Variants in PLCXD3 observed in about 807,000 individuals in gnomAD.
The protein encoded by PLCXD3 is PI-PLC X domain-containing protein 3.
In PLCXD3, 19 loss-of-function variants were observed where a neutral mutation model predicts 25.5. That is an observed-to-expected ratio of 0.75 (90% confidence interval 0.52 to 1.09). PLCXD3 has a LOEUF of 1.09. PLCXD3 is among the 50% of genes least tolerant of loss of function. PLCXD3 has a pLI of 0.00. For missense variants in PLCXD3, 411 were observed against 388.1 expected (o/e 1.06, Z -0.50); for synonymous variants, 174 against 137.6 (o/e 1.26, Z -1.85).
Position 41,312,092 on chromosome 5 carries a change from G to C in PLCXD3, c.*1525C>G, listed in dbSNP as rs1743147376. The C allele has an allele frequency of 6.8e-6, 1 of 147,808 alleles. No homozygotes were observed. Among genetic ancestry groups the C allele is most frequent in the Non-Finnish European group, 1.5e-5 (1 of 66,346 alleles). The allele number at this position is 147,808 out of a possible 1,614,324, so 9.2% of individuals were successfully genotyped here. ...ATAGGCAAGGATTATTGTGCTCTAA[G>C]TTTTTTTTTTTTATTTTTTAGAGTT... On this transcript the variant is annotated 3_prime_UTR_variant, in exon 3 of 3. Coordinates refer to ENST00000377801, the MANE Select transcript of PLCXD3 (RefSeq NM_001005473.3).
chr5:41,321,365 C>T (rs186350830), intron 2 of PLCXD3, among the ~76,000 whole-genome samples: 6 of 152,126 alleles, frequency 3.9e-5, no homozygotes, highest in Admixed American at 3.3e-4. Context: ...AATTAAGTAC[C>T]TAGGAATAAA....
At chr5:41,503,201 G>T (rs1748990801) in intron 1 of PLCXD3, among the ~76,000 whole-genome samples, 1 of 152,154 alleles carries the variant, frequency 6.6e-6, no homozygotes, top group African/African-American at 2.4e-5. Context: ...AGCCATAGGG[G>T]AGTTCCAGGA....
At chr5:41,433,440 C>G (rs1470453392) in intron 1 of PLCXD3, among the ~76,000 whole-genome samples, 1 of 152,044 alleles carries the variant, frequency 6.6e-6, no homozygotes, top group African/African-American at 2.4e-5. Context: ...AAGCCATGAA[C>G]AGATGGATAT....
chr5:41,440,215 ATTTTTTTTTTTTTT>A lies in PLCXD3; in HGVS notation c.104-57695_104-57682del, dbSNP rs70988846. 1.1e-3 allele frequency among the ~76,000 whole-genome samples: 47 copies of A among 41,080 alleles called. No homozygotes were observed. The South Asian group carries it at 0.035, about 30-fold the overall frequency. 27.0% of individuals were successfully genotyped at this position (41,080 alleles called of 152,430 possible). A position where few individuals can be genotyped will look rare whatever the true frequency, so the allele number is the denominator to read the frequency against. ...TCTGAGCAAATTACATAATCTCTCAATTTTTTTTTTTTTTTTTTTTTTTTTTTTTTTTTTTTAGT... is the reference window on the plus strand; with the variant it reads ...TCTGAGCAAATTACATAATCTCTCAATTTTTTTTTTTTTTTTTTTTTTAGT... On this transcript the variant is annotated intron_variant, in intron 1 of 2. Transcript: ENST00000377801.
intron 1 of PLCXD3, among the ~76,000 whole-genome samples, chr5:41,386,001 T>C (rs1580341611): frequency 6.6e-6 from 1 of 152,126 alleles, no homozygotes. Flanking sequence ...TCCTGATTCA[T>C]AGACGTACAC....
At chr5:41,454,270 C>T (rs745399468) in intron 1 of PLCXD3, among the ~76,000 whole-genome samples, 1 of 151,946 alleles carries the variant, frequency 6.6e-6, no homozygotes, top group Non-Finnish European at 1.5e-5. Flanking sequence ...TTCATTCAGG[C>T]TACTATAACA....
In PLCXD3 at chr5:41,310,148, C is replaced by CA. The variant is rs2150465309; in HGVS notation, c.*3468dup. 1 of 152,208 alleles carries CA rather than the reference C, an allele frequency of 6.6e-6. No homozygotes were observed. Among genetic ancestry groups the CA allele is most frequent in the South Asian group, 2.1e-4 (1 of 4,824 alleles). The allele number at this position is 152,208 out of a possible 1,614,324, so 9.4% of individuals were successfully genotyped here. A position where few individuals can be genotyped will look rare whatever the true frequency, so the allele number is the denominator to read the frequency against. On this transcript the variant is annotated 3_prime_UTR_variant, in exon 3 of 3. Transcript: ENST00000377801. ...GGCTGAAAGTCAATATTGAGGTCAT[C>CA]ATATAGAATATCCTAAGGCTTTTAA... is the stretch of plus-strand genomic sequence containing the variant.
At chr5:41,358,030 C>T (rs1580322203) in intron 2 of PLCXD3, among the ~76,000 whole-genome samples, 1 of 152,190 alleles carries the variant, frequency 6.6e-6, no homozygotes, top group Non-Finnish European at 1.5e-5. Flanking sequence ...AGCAGAGCAC[C>T]ATTGAATATC....
intron 1 of PLCXD3, among the ~76,000 whole-genome samples, chr5:41,499,548 T>C (rs987141121): frequency 2.6e-5 from 4 of 151,788 alleles, no homozygotes; most frequent in Admixed American, 1.3e-4. Context: ...AGACTTAATA[T>C]TGCTCAAATG....
chr5:41,394,923 C>G (rs4438921), intron 1 of PLCXD3, among the ~76,000 whole-genome samples: 1 of 151,900 alleles, frequency 6.6e-6, no homozygotes, highest in Non-Finnish European at 1.5e-5. Context: ...ATCTTCCAGA[C>G]AGAAAATCAA....
chr5:41,357,168 A>G (rs1744643076), intron 2 of PLCXD3, among the ~76,000 whole-genome samples: 1 of 152,252 alleles, frequency 6.6e-6, no homozygotes, highest in Admixed American at 6.5e-5. Context: ...CTTTCTCAGA[A>G]CAGTGCCTTG....
intron 2 of PLCXD3, among the ~76,000 whole-genome samples, chr5:41,349,956 A>G (rs554655186): frequency 3.3e-5 from 5 of 151,282 alleles, no homozygotes; most frequent in African/African-American, 1.2e-4. Context: ...GCTTTGCAAC[A>G]TTTTGTTGCA....
intron 1 of PLCXD3, among the ~76,000 whole-genome samples, chr5:41,392,608 T>C (rs1008206712): frequency 7.9e-5 from 12 of 152,114 alleles, no homozygotes; most frequent in Non-Finnish European, 1.5e-5. Flanking sequence ...TAAGCCCAGA[T>C]AGTGAAGACT....
rs75138111 is a variant in PLCXD3 at position 41,402,127 on chromosome 5, C to A, written c.104-19593G>T. Among the ~76,000 whole-genome samples the A allele has an allele frequency of 4.6e-3, 694 of 151,590 alleles. 7 individuals are homozygous for A. The highest frequency in any genetic ancestry group is 0.016 in the African/African-American group (657 of 41,464). ...TATATAATTTTCTTATTTCAAATTG[C>A]TTTTGGTTTAATTTGTTCCTTTTTT... On this transcript the variant is annotated intron_variant, in intron 1 of 2. Coordinates refer to ENST00000377801, the MANE Select transcript of PLCXD3 (RefSeq NM_001005473.3).
At chr5:41,500,441 A>G (rs7710332) in intron 1 of PLCXD3, among the ~76,000 whole-genome samples, 1,719 of 152,002 alleles carry the variant, frequency 0.011, 29 homozygotes, top group African/African-American at 0.039. Context: ...GGGGATAAAA[A>G]GGGAGAGATA....
chr5:41,439,210 A>G (rs1421296167), intron 1 of PLCXD3, among the ~76,000 whole-genome samples: 1 of 152,176 alleles, frequency 6.6e-6, no homozygotes, highest in African/African-American at 2.4e-5. Flanking sequence ...TCCATAAAAA[A>G]ATAGAAGGTT....
intron 1 of PLCXD3, among the ~76,000 whole-genome samples, chr5:41,423,981 A>C (rs1451940031): frequency 6.6e-6 from 1 of 151,942 alleles, no homozygotes; most frequent in Non-Finnish European, 1.5e-5. Flanking sequence ...CTTAAGACCA[A>C]CTCTTCAAGC....
intron 1 of PLCXD3, among the ~76,000 whole-genome samples, chr5:41,412,428 T>A (rs990175044): frequency 1.3e-5 from 2 of 152,228 alleles, no homozygotes; most frequent in African/African-American, 4.8e-5. Context: ...AATTCAGTAG[T>A]CTCATTTATT....
At chr5:41,342,277 G>A (rs1015457020) in intron 2 of PLCXD3, among the ~76,000 whole-genome samples, 1 of 152,170 alleles carries the variant, frequency 6.6e-6, no homozygotes, top group Non-Finnish European at 1.5e-5. Context: ...CAGGCACTGT[G>A]TTAGGCAACA....
Sources: allele counts gnomAD v4.1 joint callset (sites outside exome capture counted in the v4.1 genomes callset), GRCh38; gene constraint gnomAD v4.1.1; transcripts MANE v1.5; gene names NCBI Gene and HGNC (gene_info 2026-07-23, HGNC 2026-07-21).